Variants in TMEM38B observed in about 807,000 individuals in gnomAD.
The protein encoded by TMEM38B is transmembrane protein 38B.
In TMEM38B, 24 loss-of-function variants were observed where a neutral mutation model predicts 28.7. That is an observed-to-expected ratio of 0.84 (90% CI 0.61 to 1.18). The LOEUF (loss-of-function observed/expected upper bound fraction) is 1.18, where lower values mean the gene tolerates loss of function less well. Among genes scored for constraint, TMEM38B ranks in the 50% most tolerant of loss-of-function variants. TMEM38B has a pLI of 0.00. For missense variants in TMEM38B, 380 were observed against 350.9 expected (o/e 1.08, Z -0.66); for synonymous variants, 131 against 127.7 (o/e 1.03, Z -0.17).
intron 4 of TMEM38B, among the ~76,000 whole-genome samples, chr9:105,738,585 T>C (rs2133602808): frequency 6.6e-6 from 1 of 152,272 alleles, no homozygotes; most frequent in Middle Eastern, 3.4e-3. Flanking sequence ...TTGTTTCTTA[T>C]GCTTTTGATG....
chr9:105,769,768 C>A (rs1355924715), intron 5 of TMEM38B, among the ~76,000 whole-genome samples: 1 of 151,920 alleles, frequency 6.6e-6, no homozygotes, highest in Non-Finnish European at 1.5e-5. Flanking sequence ...ATTTTTATTG[C>A]AATTGTGTTT....
At chr9:105,721,406 T>A (rs1347850754) in intron 2 of TMEM38B, 131 bp from the exon 3 acceptor site, 1 of 707,488 alleles carries the variant, frequency 1.4e-6, no homozygotes, top group African/African-American at 1.8e-5. Flanking sequence ...TTTATTGAAA[T>A]CAAGTTAAAT....
At chr9:105,698,229 C>T (rs1312769384) in intron 1 of TMEM38B, among the ~76,000 whole-genome samples, 3 of 151,818 alleles carry the variant, frequency 2.0e-5, no homozygotes, top group Non-Finnish European at 4.4e-5. Context: ...CTTTTTCTAG[C>T]CTCTTATATA....
At chr9:105,754,437 A>G (rs1356535139) in intron 5 of TMEM38B, among the ~76,000 whole-genome samples, 1 of 152,184 alleles carries the variant, frequency 6.6e-6, no homozygotes, top group African/African-American at 2.4e-5. Context: ...ACAGTCTCTC[A>G]GACCACAGAT....
chr9:105,754,896 G>A (rs1435217739), intron 5 of TMEM38B, among the ~76,000 whole-genome samples: 1 of 152,082 alleles, frequency 6.6e-6, no homozygotes, highest in African/African-American at 2.4e-5. Flanking sequence ...GAAAAACAGA[G>A]AAGAATCAAA....
chr9:105,710,302 G>A (rs1019796985), intron 2 of TMEM38B: 16 of 659,876 alleles, frequency 2.4e-5, no homozygotes, highest in African/African-American at 2.0e-4. Flanking sequence ...TGTCATTGTC[G>A]GAATGGCTTC....
intron 5 of TMEM38B, 36 bp from the exon 6 acceptor site, chr9:105,773,829 T>A (rs747127829): frequency 6.4e-7 from 1 of 1,573,802 alleles, no homozygotes; most frequent in South Asian, 1.2e-5. Context: ...AGAAATCATT[T>A]GTATTTAAAT....
intron 4 of TMEM38B, among the ~76,000 whole-genome samples, chr9:105,746,140 G>A (rs2133614487): frequency 1.3e-5 from 2 of 152,230 alleles, no homozygotes; most frequent in South Asian, 4.1e-4. Context: ...AGCTTGATGG[G>A]GATGGCATTG....
intron 4 of TMEM38B, among the ~76,000 whole-genome samples, chr9:105,747,212 T>G (rs1837439785): frequency 6.6e-6 from 1 of 151,846 alleles, no homozygotes; most frequent in Non-Finnish European, 1.5e-5. Flanking sequence ...GTCCTGGACT[T>G]TTTTTGGTTG....
At chr9:105,727,225 C>T (rs1000494332) in intron 4 of TMEM38B, among the ~76,000 whole-genome samples, 32 of 152,084 alleles carry the variant, frequency 2.1e-4, no homozygotes, top group African/African-American at 7.0e-4. Flanking sequence ...TTTCCTCCCC[C>T]GACCCTGCCC....
At chr9:105,773,785 T>C in intron 5 of TMEM38B, 80 bp from the exon 6 acceptor site, 1 of 1,391,412 alleles carries the variant, frequency 7.2e-7, no homozygotes, top group Non-Finnish European at 9.9e-7. Context: ...TGCATTTTGA[T>C]TTTTTTTCCT....
chr9:105,759,909 A>C, intron 5 of TMEM38B: 1 of 1,594,008 alleles, frequency 6.3e-7, no homozygotes, highest in Non-Finnish European at 8.6e-7. Flanking sequence ...CAGTGGCTGA[A>C]ATGATCATGA....
At chr9:105,728,479 A>C (rs1016352591) in intron 4 of TMEM38B, among the ~76,000 whole-genome samples, 3 of 152,106 alleles carry the variant, frequency 2.0e-5, no homozygotes, top group African/African-American at 7.2e-5. Flanking sequence ...CATTTTATCC[A>C]GGTTATTATT....
chr9:105,741,879 G>A lies in TMEM38B; in HGVS notation c.543-6194G>A, dbSNP rs548373185. Among the ~76,000 whole-genome samples, 4 of 152,284 alleles carry A rather than the reference G, an allele frequency of 2.6e-5. No individual in the cohort carries two copies. The South Asian group carries it at 8.3e-4, about 32-fold the overall frequency. The stretch of plus-strand genomic sequence containing the variant: ...AGATTCACTCTGGAGAGAAGTGAGG[G>A]TGTGACTGGTCAACTTTTCCTAGTG... On this transcript the variant is annotated intron_variant, in intron 4 of 5. Transcript: ENST00000374692.
Position 105,748,270 on chromosome 9 carries a change from G to T in TMEM38B, c.660+80G>T. ...TGATACAATTTTGCATGCTGGGCAA[G>T]TAAGAGGAACATTTATTTATTATTA... is the stretch of plus-strand genomic sequence containing the variant. On this transcript the variant is annotated intron_variant, in intron 5 of 5. Coordinates refer to ENST00000374692, the MANE Select transcript of TMEM38B (RefSeq NM_018112.3). The T allele has an allele frequency of 3.1e-6, 3 of 969,878 alleles. No individual in the cohort carries two copies. The South Asian group carries it at 4.7e-5, about 15-fold the overall frequency. The allele number at this position is 969,878 out of a possible 1,614,324, so 60.1% of individuals were successfully genotyped here.
At position 105,774,119 on chromosome 9, in the gene TMEM38B, T is replaced by C; in HGVS notation, c.*39T>C. ...GCTCTACAAGGCCAAAAATTTTTTT[T>C]CTTATCTACCTGTTATATTGTGCTA... is the stretch of plus-strand genomic sequence containing the variant. On this transcript the variant is annotated 3_prime_UTR_variant, in exon 6 of 6. Transcript: ENST00000374692. 6.4e-7 allele frequency: 1 copy of C among 1,559,908 alleles called. No individual in the cohort carries two copies. Among genetic ancestry groups the C allele is most frequent in the East Asian group, 2.3e-5 (1 of 44,132 alleles).
intron 4 of TMEM38B, among the ~76,000 whole-genome samples, chr9:105,744,454 G>A (rs1445257747): frequency 2.0e-5 from 3 of 151,932 alleles, no homozygotes; most frequent in African/African-American, 7.2e-5. Context: ...CACTGTCTAC[G>A]TATCCAAGTA....
At position 105,721,680 on chromosome 9, in the gene TMEM38B, A is replaced by G. The variant is rs1472512905; in HGVS notation, c.413A>G (p.Lys138Arg). The G allele has an allele frequency of 6.2e-7, 1 of 1,613,220 alleles. No individual in the cohort carries two copies. Among genetic ancestry groups the G allele is most frequent in the African/African-American group, 1.3e-5 (1 of 74,914 alleles). ...GTCACACATGCTAATAGCTATTACA[A>G]AAATGGCTGGATAGTCATGATAGCT... is the stretch of plus-strand genomic sequence containing the variant. Reference protein sequence around the residue: ...GGVTHANSYYKNGWIVMIAIG... With the variant: ...GGVTHANSYYRNGWIVMIAIG... Residue 138 changes from lysine to arginine, a missense_variant, in exon 3 of 6, where the codon AAA becomes AGA. Transcript: ENST00000374692.
chr9:105,774,718 T>C lies in TMEM38B; in HGVS notation c.*638T>C, dbSNP rs1294916597. On this transcript the variant is annotated 3_prime_UTR_variant, in exon 6 of 6. Coordinates refer to ENST00000374692, the MANE Select transcript of TMEM38B (RefSeq NM_018112.3). ...TCTACTAGAAGTAGTTTTACTACTTTTCATTTAGAACAGAGTATGAGTCTT... is the reference window on the plus strand; with the variant it reads ...TCTACTAGAAGTAGTTTTACTACTTCTCATTTAGAACAGAGTATGAGTCTT... The C allele has an allele frequency of 2.6e-5, 4 of 152,078 alleles. No individual in the cohort carries two copies. The highest frequency in any genetic ancestry group is 9.7e-5 in the African/African-American group (4 of 41,440). The allele number at this position is 152,078 out of a possible 1,614,324, so 9.4% of individuals were successfully genotyped here. A position where few individuals can be genotyped will look rare whatever the true frequency, so the allele number is the denominator to read the frequency against.
Sources: allele counts gnomAD v4.1 joint callset (sites outside exome capture counted in the v4.1 genomes callset), GRCh38; gene constraint gnomAD v4.1.1; transcripts MANE v1.5; gene names NCBI Gene and HGNC (gene_info 2026-07-23, HGNC 2026-07-21).